ZFAND6: variants seen among roughly 807,000 people sequenced by gnomAD.
ZFAND6 encodes the protein zinc finger AN1-type containing 6.
A neutral mutation model predicts 24.5 loss-of-function variants in ZFAND6; 12 were observed. The ratio of observed to expected loss-of-function variants is 0.49; its 90% CI spans 0.31 to 0.79. The LOEUF is 0.79. Ranked by LOEUF, ZFAND6 falls within the 30% of genes least tolerant of loss-of-function variation. The probability of loss-of-function intolerance (pLI) is 0.04; values close to 1 mark genes in which losing one functional copy is unlikely to be tolerated. For synonymous variants in ZFAND6, 92 were observed against 81.5 expected, an observed-to-expected ratio of 1.13 and a Z score of -0.69; for missense variants, 207 against 245.9, an observed-to-expected ratio of 0.84 and a Z score of 1.06.
intron 1 of ZFAND6, among the ~76,000 whole-genome samples, chr15:80,095,003 C>G (rs541356471): frequency 6.6e-6 from 1 of 152,252 alleles, no homozygotes; most frequent in African/African-American, 2.4e-5. Context: ...GAGCTCCTGA[C>G]CTCAGGTAAT....
intron 2 of ZFAND6, among the ~76,000 whole-genome samples, chr15:80,105,087 C>A (rs191060392): frequency 1.3e-5 from 2 of 152,304 alleles, no homozygotes; most frequent in Non-Finnish European, 2.9e-5. Flanking sequence ...ATTCTAAGAT[C>A]ATTTCCCACT....
Position 80,131,134 on chromosome 15 carries a change from A to G in ZFAND6, c.365-46A>G. 3 of 1,464,096 alleles carry G rather than the reference A, an allele frequency of 2.0e-6. No homozygotes were observed. In the Admixed American group the frequency reaches 6.0e-5, roughly 29 times the overall value. The allele number at this position is 1,464,096 out of a possible 1,614,324, so 90.7% of individuals were successfully genotyped here. A position where few individuals can be genotyped will look rare whatever the true frequency, so the allele number is the denominator to read the frequency against. ...GGGAGGGTGGGATGAGGAATAGCAA[A>G]ATCTTACAGAATAATTAAATTTTGC... On this transcript the variant is annotated intron_variant, in intron 5 of 6. Coordinates refer to ENST00000261749, the MANE Select transcript of ZFAND6 (RefSeq NM_019006.4).
chr15:80,068,073 T>C (rs1237833488), intron 1 of ZFAND6, among the ~76,000 whole-genome samples: 1 of 151,570 alleles, frequency 6.6e-6, no homozygotes, highest in African/African-American at 2.4e-5. Context: ...GTGATTCTCC[T>C]GCCTCTGCTT....
At chr15:80,091,623 A>G (rs1315534563) in intron 1 of ZFAND6, among the ~76,000 whole-genome samples, 1 of 144,782 alleles carries the variant, frequency 6.9e-6, no homozygotes, top group East Asian at 2.0e-4. Context: ...CAAATTTTTA[A>G]TATATTTACT....
intron 6 of ZFAND6, among the ~76,000 whole-genome samples, chr15:80,136,645 A>G (rs927370124): frequency 1.1e-4 from 17 of 152,198 alleles, no homozygotes; most frequent in Non-Finnish European, 1.5e-4. Context: ...AAATGTGGCA[A>G]TGGAGGTTAA....
At chr15:80,108,503 A>G (rs2039449976) in intron 2 of ZFAND6, among the ~76,000 whole-genome samples, 1 of 152,154 alleles carries the variant, frequency 6.6e-6, no homozygotes, top group Non-Finnish European at 1.5e-5. Flanking sequence ...TGCAAATAAG[A>G]ATATTGGGTG....
Position 80,105,983 on chromosome 15 carries a change from G to A in ZFAND6, c.-18+7405G>A, listed in dbSNP as rs140157512. The stretch of plus-strand genomic sequence containing the variant: ...TTGTGGCTAATAAAGTTGTAATTTT[G>A]GAGTTAGATGTGATGTTTGTGCAGA... On this transcript the variant is annotated intron_variant, in intron 2 of 6. Coordinates refer to ENST00000261749, the MANE Select transcript of ZFAND6 (RefSeq NM_019006.4). Among the ~76,000 whole-genome samples, 1,353 of 152,266 alleles carry A rather than the reference G, an allele frequency of 8.9e-3. 12 individuals carry two copies. The highest frequency in any genetic ancestry group is 0.02 in the Middle Eastern group (6 of 294).
At chr15:80,126,972 C>T (rs938652738) in intron 5 of ZFAND6, among the ~76,000 whole-genome samples, 5 of 151,840 alleles carry the variant, frequency 3.3e-5, no homozygotes, top group Non-Finnish European at 4.4e-5. Context: ...AGTGTGGTGG[C>T]GCACGCTTGT....
At chr15:80,085,401 T>C (rs2037930845) in intron 1 of ZFAND6, among the ~76,000 whole-genome samples, 1 of 152,212 alleles carries the variant, frequency 6.6e-6, no homozygotes, top group Admixed American at 6.5e-5. Flanking sequence ...ATAAATTCAT[T>C]TAAATTTCAA....
At chr15:80,074,328 T>C (rs1468819495) in intron 1 of ZFAND6, among the ~76,000 whole-genome samples, 1 of 151,874 alleles carries the variant, frequency 6.6e-6, no homozygotes, top group Non-Finnish European at 1.5e-5. Flanking sequence ...TATTAGTAAG[T>C]ATGGGGCTTA....
intron 1 of ZFAND6, among the ~76,000 whole-genome samples, chr15:80,096,707 C>CT (rs1349177029): frequency 2.0e-5 from 3 of 152,088 alleles, no homozygotes; most frequent in African/African-American, 4.8e-5. Context: ...TTCATGACAT[C>CT]TTTAAGTTTT....
intron 1 of ZFAND6, 113 bp downstream of exon 1, chr15:80,059,922 G>A (rs2036226961): frequency 6.6e-6 from 1 of 151,016 alleles, no homozygotes; most frequent in African/African-American, 2.4e-5. Context: ...CCCTCCCGGC[G>A]CCCGAGAGCC....
intron 1 of ZFAND6, among the ~76,000 whole-genome samples, chr15:80,095,705 AAG>A (rs1437188081): frequency 6.6e-6 from 1 of 152,230 alleles, no homozygotes; most frequent in Non-Finnish European, 1.5e-5. Flanking sequence ...TGTGTTGAAC[AAG>A]AATGTCTCCT....
At chr15:80,080,900 C>T (rs898202621) in intron 1 of ZFAND6, among the ~76,000 whole-genome samples, 4 of 152,274 alleles carry the variant, frequency 2.6e-5, no homozygotes, top group African/African-American at 9.6e-5. Flanking sequence ...AGGACAGCAC[C>T]AAGGGGATGG....
chr15:80,103,456 T>G (rs1256565527), intron 2 of ZFAND6, among the ~76,000 whole-genome samples: 1 of 152,224 alleles, frequency 6.6e-6, no homozygotes, highest in Non-Finnish European at 1.5e-5. Context: ...CAATTCAAAG[T>G]GCCTGACTGA....
intron 2 of ZFAND6, among the ~76,000 whole-genome samples, chr15:80,105,993 G>A (rs1056614301): frequency 1.3e-5 from 2 of 152,188 alleles, no homozygotes; most frequent in Non-Finnish European, 2.9e-5. Flanking sequence ...GGAGTTAGAT[G>A]TGATGTTTGT....
chr15:80,126,262 T>A (rs1054717185), intron 5 of ZFAND6, among the ~76,000 whole-genome samples: 4 of 152,200 alleles, frequency 2.6e-5, no homozygotes, highest in African/African-American at 9.7e-5. Flanking sequence ...TTGGACTGAT[T>A]TAGGAAAGCT....
intron 1 of ZFAND6, among the ~76,000 whole-genome samples, chr15:80,097,520 G>GT (rs1217747348): frequency 1.3e-5 from 2 of 151,944 alleles, no homozygotes; most frequent in African/African-American, 4.8e-5. Flanking sequence ...TGATGGTTGG[G>GT]TGCCTGTAGT....
At chr15:80,099,656 C>T (rs895380687) in intron 2 of ZFAND6, among the ~76,000 whole-genome samples, 14 of 126,456 alleles carry the variant, frequency 1.1e-4, no homozygotes, top group Admixed American at 2.0e-4. Flanking sequence ...CTCACTCTGT[C>T]GCCCAGGCTG....
Sources: gnomAD v4.1 joint callset for allele counts (sites outside exome capture counted in the v4.1 genomes callset) on GRCh38, gnomAD v4.1.1 for gene constraint, MANE v1.5 for transcripts, NCBI Gene and HGNC (gene_info 2026-07-23, HGNC 2026-07-21) for gene names.